Variants in COL5A2 observed in about 807,000 individuals in gnomAD.
COL5A2 encodes collagen alpha-2(V) chain.
COL5A2 carries 23 observed loss-of-function variants against 208.2 expected under a neutral mutation model. The ratio of observed to expected loss-of-function variants is 0.11; its 90% confidence interval spans 0.08 to 0.16. The LOEUF is 0.16. Among genes scored for constraint, COL5A2 ranks in the 10% least tolerant of loss-of-function variants. The pLI, the probability that COL5A2 is intolerant of heterozygous loss-of-function variation, is 1.00. For missense variants in COL5A2, 1,590 were observed against 1,956.4 expected (o/e 0.81, Z 3.53); for synonymous variants, 625 against 628.5 (o/e 0.99, Z 0.08).
the COL5A2 span, among the ~76,000 whole-genome samples, chr2:189,356,278 T>C: frequency 1.3e-5 from 2 of 152,190 alleles, no homozygotes; most frequent in African/African-American, 4.8e-5. Context: ...AGGAGTATCT[T>C]TGTGGTGTTC....
chr2:189,079,949 A>C (rs764736958), intron 14 of COL5A2, 29 bp downstream of exon 14: 40 of 1,592,364 alleles, frequency 2.5e-5, no homozygotes, highest in Non-Finnish European at 7.8e-6. Context: ...TGCCAAAGTG[A>C]GGTTACAGTG....
the COL5A2 span, among the ~76,000 whole-genome samples, chr2:189,257,207 C>G: frequency 6.6e-6 from 1 of 152,188 alleles, no homozygotes; most frequent in Non-Finnish European, 1.5e-5. Flanking sequence ...CAATTTACCC[C>G]ACATTACTTG....
chr2:189,078,109 G>A (rs1397632960), intron 16 of COL5A2, among the ~76,000 whole-genome samples: 2 of 152,154 alleles, frequency 1.3e-5, no homozygotes, highest in South Asian at 2.1e-4. Context: ...CCTTTTAGGA[G>A]TATGAGGAAC....
At chr2:189,241,136 C>T in the COL5A2 span, among the ~76,000 whole-genome samples, 1 of 152,202 alleles carries the variant, frequency 6.6e-6, no homozygotes, top group Non-Finnish European at 1.5e-5. Context: ...ATATAATCAA[C>T]AGACCCCACC....
chr2:189,050,547 A>G, intron 43 of COL5A2, 22 bp downstream of exon 43: 1 of 1,521,632 alleles, frequency 6.6e-7, no homozygotes, highest in Non-Finnish European at 8.9e-7. Flanking sequence ...GAGATAAAAT[A>G]TTGACCGATG....
intron 1 of COL5A2, among the ~76,000 whole-genome samples, chr2:189,118,328 T>A (rs1474490330): frequency 6.6e-6 from 1 of 152,052 alleles, no homozygotes; most frequent in Non-Finnish European, 1.5e-5. Flanking sequence ...ACTCAATGAG[T>A]ATAAAATTAA....
At chr2:189,229,163 A>G (rs539939827), upstream of COL5A2, among the ~76,000 whole-genome samples, 6 of 151,900 alleles carry the variant, frequency 3.9e-5, no homozygotes, top group African/African-American at 1.4e-4. Context: ...ATCATAACAT[A>G]ACAAGGTTAT....
chr2:189,234,315 G>T, the COL5A2 span, among the ~76,000 whole-genome samples: 1 of 151,438 alleles, frequency 6.6e-6, no homozygotes, highest in East Asian at 1.9e-4. Flanking sequence ...AGAATTTTAA[G>T]GAATTATATT....
rs1688746519 is a variant in COL5A2, at chr2:189,179,616, A to G, written c.-12T>C. ...CAGTTTGCCATCATGTCTAAATATTAGACATGTGGGTTCTCCTGAGAGTGA... is the reference window on the plus strand; with the variant it reads ...CAGTTTGCCATCATGTCTAAATATTGGACATGTGGGTTCTCCTGAGAGTGA... On this transcript the variant is annotated 5_prime_UTR_variant, in exon 1 of 54. Transcript: ENST00000374866. The G allele has an allele frequency of 1.9e-6, 3 of 1,596,712 alleles. No individual in the cohort carries two copies. In the African/African-American group the frequency reaches 4.0e-5, roughly 21 times the overall value.
intron 29 of COL5A2, among the ~76,000 whole-genome samples, chr2:189,062,630 T>C (rs1686059464): frequency 6.6e-6 from 1 of 152,208 alleles, no homozygotes; most frequent in Non-Finnish European, 1.5e-5. Flanking sequence ...TAAAAACCTT[T>C]GCAGTCAGAG....
At chr2:189,240,630 T>G in the COL5A2 span, among the ~76,000 whole-genome samples, 1 of 152,154 alleles carries the variant, frequency 6.6e-6, no homozygotes, top group Non-Finnish European at 1.5e-5. Flanking sequence ...GCTTTTTCCT[T>G]TCTGAGTTTC....
the COL5A2 span, among the ~76,000 whole-genome samples, chr2:189,362,373 A>G: frequency 6.6e-6 from 1 of 152,180 alleles, no homozygotes; most frequent in Admixed American, 6.5e-5. Context: ...CCTAAAACAG[A>G]TAAATTATTT....
chr2:189,052,640 A>G (rs1334619115), intron 40 of COL5A2, 109 bp downstream of exon 40: 1 of 1,060,376 alleles, frequency 9.4e-7, no homozygotes. Flanking sequence ...TGATACAGGT[A>G]ATAATTTGTT....
chr2:189,067,968 G>A (rs775641647), intron 21 of COL5A2, 47 bp downstream of exon 21: 19 of 1,442,996 alleles, frequency 1.3e-5, no homozygotes, highest in African/African-American at 5.6e-5. Context: ...CTTGGCCCTC[G>A]TAGTTAGATT....
chr2:189,310,190 T>C, the COL5A2 span, among the ~76,000 whole-genome samples: 2 of 152,258 alleles, frequency 1.3e-5, no homozygotes, highest in East Asian at 3.9e-4. Flanking sequence ...ACATTAATAA[T>C]AGATAATGCC....
intron 1 of COL5A2, among the ~76,000 whole-genome samples, chr2:189,220,286 T>C (rs1689332589): frequency 6.6e-6 from 1 of 152,188 alleles, no homozygotes; most frequent in African/African-American, 2.4e-5. Flanking sequence ...AAAAATAATT[T>C]TCATTGCCCA....
chr2:189,432,158 G>A, the COL5A2 span, among the ~76,000 whole-genome samples: 1 of 152,136 alleles, frequency 6.6e-6, no homozygotes, highest in East Asian at 1.9e-4. Flanking sequence ...GAGAGATTCT[G>A]TCACCACCAG....
At chr2:189,036,510 A>G (rs1685446535) in intron 52 of COL5A2, 106 bp downstream of exon 52, 2 of 891,826 alleles carry the variant, frequency 2.2e-6, no homozygotes, top group Non-Finnish European at 3.4e-6. Flanking sequence ...TAAACATGGT[A>G]AAATAAGCCT....
At chr2:189,399,853 C>T in the COL5A2 span, among the ~76,000 whole-genome samples, 1 of 151,992 alleles carries the variant, frequency 6.6e-6, no homozygotes, top group African/African-American at 2.4e-5. Context: ...ATACATGCCA[C>T]CATGTCTGGC....
Sources: gnomAD v4.1 joint callset for allele counts (sites outside exome capture counted in the v4.1 genomes callset) on GRCh38, gnomAD v4.1.1 for gene constraint, MANE v1.5 for transcripts, NCBI Gene and HGNC (gene_info 2026-07-23, HGNC 2026-07-21) for gene names.